FRMD4B: variants seen among roughly 807,000 people sequenced by gnomAD.
FRMD4B encodes FERM domain-containing protein 4B.
Under a neutral mutation model 141.5 loss-of-function variants are expected in FRMD4B, and 74 were observed. The ratio of observed to expected loss-of-function variants is 0.52; its 90% CI spans 0.43 to 0.63. The LOEUF (loss-of-function observed/expected upper bound fraction) is 0.63, where lower values mean the gene tolerates loss of function less well. Ranked by LOEUF, FRMD4B falls within the 30% of genes least tolerant of loss-of-function variation. The pLI is 0.00. For synonymous variants in FRMD4B, 506 were observed against 467.9 expected (o/e 1.08, Z -1.05); for missense variants, 1,366 against 1,253.4 (o/e 1.09, Z -1.36).
chr3:69,240,242 G>A (rs1431406241), intron 7 of FRMD4B, among the ~76,000 whole-genome samples: 2 of 152,018 alleles, frequency 1.3e-5, no homozygotes, highest in African/African-American at 4.8e-5. Flanking sequence ...GTAATTTTGG[G>A]AGGCCGAGGA....
chr3:69,484,371 G>C (rs1348013453), intron 1 of FRMD4B, among the ~76,000 whole-genome samples: 1 of 152,148 alleles, frequency 6.6e-6, no homozygotes, highest in Non-Finnish European at 1.5e-5. Context: ...TTTGTACCAG[G>C]TGCTATTGTT....
At chr3:69,539,178 C>G (rs553441193) in intron 1 of FRMD4B, among the ~76,000 whole-genome samples, 2 of 152,284 alleles carry the variant, frequency 1.3e-5, no homozygotes, top group Admixed American at 6.5e-5. Context: ...TTACTGCAGG[C>G]TGGATAAGGC....
At chr3:69,230,571 C>A (rs557495341) in intron 7 of FRMD4B, among the ~76,000 whole-genome samples, 16 of 151,724 alleles carry the variant, frequency 1.1e-4, no homozygotes, top group African/African-American at 3.6e-4. Flanking sequence ...CATGGTGAAA[C>A]CCCACCTCTA....
intron 2 of FRMD4B, among the ~76,000 whole-genome samples, chr3:69,406,622 G>C (rs1024013884): frequency 6.6e-6 from 1 of 152,294 alleles, no homozygotes; most frequent in Middle Eastern, 3.4e-3. Context: ...AAAGGAAGCC[G>C]GTTCAGTCAG....
chr3:69,180,291 C>T (rs554597813), intron 21 of FRMD4B, among the ~76,000 whole-genome samples: 117 of 148,170 alleles, frequency 7.9e-4, no homozygotes, highest in African/African-American at 2.9e-3. Context: ...TAGAACAGTG[C>T]TTAATCAATG....
intron 1 of FRMD4B, among the ~76,000 whole-genome samples, chr3:69,508,389 C>T (rs956961570): frequency 6.6e-6 from 1 of 152,166 alleles, no homozygotes; most frequent in Non-Finnish European, 1.5e-5. Flanking sequence ...AGGTTTCAAT[C>T]GCATAACAGG....
intron 1 of FRMD4B, among the ~76,000 whole-genome samples, chr3:69,351,117 C>T (rs1477976570): frequency 6.6e-6 from 1 of 152,086 alleles, no homozygotes; most frequent in Non-Finnish European, 1.5e-5. Context: ...AAGCCCAATA[C>T]CTTCCTTTCT....
intron 5 of FRMD4B, among the ~76,000 whole-genome samples, chr3:69,265,754 T>C (rs2093558587): frequency 6.6e-6 from 1 of 152,024 alleles, no homozygotes; most frequent in South Asian, 2.1e-4. Flanking sequence ...GCCACATATT[T>C]GTTCTTGAGA....
At chr3:69,237,457 G>T (rs1482957819) in intron 7 of FRMD4B, among the ~76,000 whole-genome samples, 1 of 152,214 alleles carries the variant, frequency 6.6e-6, no homozygotes, top group African/African-American at 2.4e-5. Flanking sequence ...CCAAATCTAG[G>T]GATGCCTCCC....
At position 69,266,056 on chromosome 3, in the gene FRMD4B, T is replaced by C. The variant is rs1032147662; in HGVS notation, c.502-15957A>G. Among the ~76,000 whole-genome samples the C allele has an allele frequency of 7.3e-5, 11 of 151,486 alleles. 1 individual carries two copies. Among genetic ancestry groups the C allele is most frequent in the Admixed American group, 7.3e-4 (11 of 15,170 alleles). On this transcript the variant is annotated intron_variant, in intron 5 of 22. Transcript: ENST00000398540. ...TACAAAAAAAAAAAACTTTAAATTA[T>C]CCAGATGTGATGGCATGCACCTGTA...
At chr3:69,385,181 A>G (rs1704218521) in intron 1 of FRMD4B, among the ~76,000 whole-genome samples, 1 of 152,088 alleles carries the variant, frequency 6.6e-6, no homozygotes, top group Admixed American at 6.6e-5. Context: ...GCAGAGAAAT[A>G]AAGGGGCTGT....
At chr3:69,313,381 G>T in intron 2 of FRMD4B, 71 bp downstream of exon 2, 1 of 927,406 alleles carries the variant, frequency 1.1e-6, no homozygotes, top group Non-Finnish European at 1.7e-6. Context: ...ACCAGGATGA[G>T]CTGTCCCCGT....
rs1375364030 is a variant in FRMD4B, at chr3:69,245,343, G to T, written c.581+3883C>A. ...TGTGTGTGTGTGTGTGTGTGTGTGT[G>T]TGTGTGTGTGTTTTTAGACAGAGTC... is the stretch of plus-strand genomic sequence containing the variant. On this transcript the variant is annotated intron_variant, in intron 7 of 22. Coordinates refer to ENST00000398540, the MANE Select transcript of FRMD4B (RefSeq NM_015123.3). Among the ~76,000 whole-genome samples, 1,482 of 149,372 alleles carry T rather than the reference G, an allele frequency of 9.9e-3. 28 individuals are homozygous for T. Among genetic ancestry groups the T allele is most frequent in the African/African-American group, 0.037 (1,425 of 39,032 alleles).
At chr3:69,212,482 A>C (rs1376454476) in intron 11 of FRMD4B, among the ~76,000 whole-genome samples, 2 of 152,064 alleles carry the variant, frequency 1.3e-5, no homozygotes, top group Non-Finnish European at 1.5e-5. Flanking sequence ...GAAATAAAAA[A>C]ACCCTGCAAA....
intron 7 of FRMD4B, among the ~76,000 whole-genome samples, chr3:69,237,739 C>T (rs2093354877): frequency 6.6e-6 from 1 of 152,128 alleles, no homozygotes. Flanking sequence ...TATTTATGTA[C>T]TCATTTACTG....
intron 7 of FRMD4B, among the ~76,000 whole-genome samples, chr3:69,235,026 T>C (rs1405229256): frequency 6.6e-6 from 1 of 151,766 alleles, no homozygotes; most frequent in Non-Finnish European, 1.5e-5. Flanking sequence ...GGTGTGTGCC[T>C]GTAGTCCCAG....
At chr3:69,218,054 G>C (rs955252383) in intron 10 of FRMD4B, among the ~76,000 whole-genome samples, 15 of 152,116 alleles carry the variant, frequency 9.9e-5, no homozygotes, top group Admixed American at 9.8e-4. Flanking sequence ...CTCAAATGAA[G>C]ATCTGGTAGT....
chr3:69,194,266 T>C (rs1457804955), intron 16 of FRMD4B, among the ~76,000 whole-genome samples: 1 of 152,230 alleles, frequency 6.6e-6, no homozygotes, highest in Non-Finnish European at 1.5e-5. Flanking sequence ...TGACCCTGGA[T>C]ACACAGCTTC....
chr3:69,302,492 C>T (rs1465149773), intron 3 of FRMD4B, 57 bp from the exon 4 acceptor site: 29 of 1,041,886 alleles, frequency 2.8e-5, no homozygotes, highest in Middle Eastern at 2.0e-4. Flanking sequence ...AGTTCAACAA[C>T]GTACAGTGTT....
Sources: allele counts gnomAD v4.1 joint callset (sites outside exome capture counted in the v4.1 genomes callset), GRCh38; gene constraint gnomAD v4.1.1; transcripts MANE v1.5; gene names NCBI Gene and HGNC (gene_info 2026-07-23, HGNC 2026-07-21).